MYCBP2: variants seen among roughly 807,000 people sequenced by gnomAD.
MYCBP2 encodes the protein MYC binding protein 2.
Under a neutral mutation model 525.3 loss-of-function variants are expected in MYCBP2, and 120 were observed. That is an observed-to-expected ratio of 0.23 (90% CI 0.20 to 0.27). The LOEUF is 0.27. MYCBP2 is among the 10% of genes least tolerant of loss of function. The pLI is 1.00. For synonymous variants in MYCBP2, 1,894 were observed against 1,955.8 expected, an observed-to-expected ratio of 0.97 and a Z score of 0.83; for missense variants, 4,149 against 5,657.1, an observed-to-expected ratio of 0.73 and a Z score of 8.55.
At chr13:77,280,094 C>T (rs1228016371) in intron 3 of MYCBP2, among the ~76,000 whole-genome samples, 1 of 152,182 alleles carries the variant, frequency 6.6e-6, no homozygotes, top group Non-Finnish European at 1.5e-5. Context: ...AAAACCACTG[C>T]ATCTCAGAAA....
intron 66 of MYCBP2, among the ~76,000 whole-genome samples, 155 bp downstream of exon 66, chr13:77,078,669 T>C (rs1255871732): frequency 6.6e-6 from 1 of 152,176 alleles, no homozygotes; most frequent in Non-Finnish European, 1.5e-5. Context: ...TTACTATTCC[T>C]ATGTTTTGGA....
At chr13:77,249,568 T>C (rs934754598) in intron 15 of MYCBP2, among the ~76,000 whole-genome samples, 8 of 152,166 alleles carry the variant, frequency 5.3e-5, no homozygotes, top group African/African-American at 1.9e-4. Context: ...ATTTTTATTA[T>C]ATATTTTTTG....
Position 77,051,935 on chromosome 13 carries a change from T to C in MYCBP2, c.13648-17A>G, listed in dbSNP as rs749740503. On this transcript the variant is annotated splice_polypyrimidine_tract_variant and intron_variant, in intron 80 of 82. Coordinates refer to ENST00000544440, the MANE Select transcript of MYCBP2 (RefSeq NM_015057.5). Reference sequence around the variant, plus strand: ...AAAATATGCCTGTGGAGAAAACACATCTAGATTACAGCAGGAAAAAAGAAA... The same window carrying C: ...AAAATATGCCTGTGGAGAAAACACACCTAGATTACAGCAGGAAAAAAGAAA... 2 of 1,602,918 alleles carry C rather than the reference T, an allele frequency of 1.2e-6. No individual in the cohort carries two copies.
chr13:77,199,995 C>G (rs900284341), intron 26 of MYCBP2, among the ~76,000 whole-genome samples: 5 of 152,208 alleles, frequency 3.3e-5, no homozygotes, highest in African/African-American at 1.2e-4. Flanking sequence ...CTCTCCTCCT[C>G]CAAAGAAACA....
chr13:77,064,164 C>T (rs1282992078), intron 73 of MYCBP2, among the ~76,000 whole-genome samples: 1 of 152,204 alleles, frequency 6.6e-6, no homozygotes, highest in Non-Finnish European at 1.5e-5. Flanking sequence ...GCACTTCTTG[C>T]TTTTTAGAAG....
At chr13:77,172,879 G>A (rs1048067246) in intron 37 of MYCBP2, among the ~76,000 whole-genome samples, 2 of 152,220 alleles carry the variant, frequency 1.3e-5, no homozygotes, top group African/African-American at 2.4e-5. Context: ...TCGCAGTAGC[G>A]TAACTTAACA....
chr13:77,243,503 C>T (rs2069249137), intron 16 of MYCBP2, among the ~76,000 whole-genome samples: 1 of 151,864 alleles, frequency 6.6e-6, no homozygotes, highest in African/African-American at 2.4e-5. Flanking sequence ...ATTCCAGCTA[C>T]TCGGGAGGCC....
At chr13:77,085,299 A>C (rs929413106) in intron 62 of MYCBP2, among the ~76,000 whole-genome samples, 9 of 151,854 alleles carry the variant, frequency 5.9e-5, no homozygotes, top group African/African-American at 2.2e-4. Context: ...GACTGAGGAC[A>C]TGGTGGGAAG....
chr13:77,167,324 A>G (rs904923656), intron 40 of MYCBP2, among the ~76,000 whole-genome samples: 3 of 152,202 alleles, frequency 2.0e-5, no homozygotes, highest in African/African-American at 4.8e-5. Flanking sequence ...CATCAAACAT[A>G]TAAAGGGAGC....
chr13:77,077,568 A>G (rs2042529418), intron 66 of MYCBP2, 181 bp from the exon 67 acceptor site: 1 of 671,428 alleles, frequency 1.5e-6, no homozygotes, highest in Non-Finnish European at 2.4e-6. Context: ...TATTATTTAT[A>G]GTAGCTATTA....
intron 3 of MYCBP2, among the ~76,000 whole-genome samples, chr13:77,281,031 T>C (rs1249063277): frequency 6.6e-6 from 1 of 152,222 alleles, no homozygotes; most frequent in East Asian, 1.9e-4. Context: ...GACATGTTCT[T>C]AAATAAGTCT....
At chr13:77,069,846 C>A (rs558903667) in intron 69 of MYCBP2, among the ~76,000 whole-genome samples, 2 of 150,872 alleles carry the variant, frequency 1.3e-5, no homozygotes, top group African/African-American at 4.9e-5. Context: ...CCAGCCTGGG[C>A]AACAGAGCGA....
chr13:77,093,470 G>A (rs2045754073), intron 58 of MYCBP2, 138 bp from the exon 59 acceptor site: 1 of 680,324 alleles, frequency 1.5e-6, no homozygotes, highest in Non-Finnish European at 2.3e-6. Context: ...CGTAGATGTA[G>A]GTAGGTGAAA....
intron 1 of MYCBP2, among the ~76,000 whole-genome samples, chr13:77,313,377 CAG>C (rs2154377483): frequency 6.6e-6 from 1 of 151,892 alleles, no homozygotes; most frequent in South Asian, 2.1e-4. Flanking sequence ...AAATAGAAAA[CAG>C]ATCAATAATA....
In MYCBP2 at chr13:77,083,068, A is replaced by G. The variant is rs2154107032; in HGVS notation, c.11000T>C (p.Leu3667Pro). The G allele has an allele frequency of 6.2e-7, 1 of 1,613,358 alleles. No homozygotes were observed. The highest frequency in any genetic ancestry group is 8.5e-7 in the Non-Finnish European group (1 of 1,179,552). ...TTGCTGTAATGAACTGCCGCTGGGG[A>G]GAGACATCATAAGGTCTGAGATGGT... ...LQTISDLMMS[L>P]PSGSSLQQMA... The change falls in exon 63 of 83, where the codon CTC becomes CCC. Residue 3667 changes from leucine to proline, a missense_variant. This residue lies in a region of MYCBP2 where 509 missense variants were observed against 789.4 expected (regional missense o/e 0.64). Transcript: ENST00000544440.
chr13:77,233,960 C>T (rs2067509519), intron 17 of MYCBP2, among the ~76,000 whole-genome samples: 1 of 151,674 alleles, frequency 6.6e-6, no homozygotes, highest in Non-Finnish European at 1.5e-5. Context: ...ATTTTGGAAA[C>T]ATCTTTCATT....
At chr13:77,055,477 G>T in intron 80 of MYCBP2, 81 bp downstream of exon 80, 1 of 1,100,164 alleles carries the variant, frequency 9.1e-7, no homozygotes. Context: ...GGAATAATTA[G>T]ATATCACTGT....
intron 68 of MYCBP2, among the ~76,000 whole-genome samples, chr13:77,073,207 T>G (rs947621729): frequency 6.6e-5 from 10 of 152,210 alleles, no homozygotes; most frequent in African/African-American, 2.4e-4. Flanking sequence ...TATCACATGT[T>G]GACTAAAATG....
rs769519188 is a variant in MYCBP2 at position 77,177,962 on chromosome 13, C to A, written c.5134-8G>T. 6.5e-7 allele frequency: 1 copy of A among 1,534,506 alleles called. No homozygotes were observed. Among genetic ancestry groups the A allele is most frequent in the East Asian group, 2.2e-5 (1 of 44,524 alleles). Reference sequence around the variant, plus strand: ...AGAATTAAGTCCATCAACCTGTGAACAATAAAAGCAATTGTATCAGTAGTT... The same window carrying A: ...AGAATTAAGTCCATCAACCTGTGAAAAATAAAAGCAATTGTATCAGTAGTT... On this transcript the variant is annotated splice_region_variant and splice_polypyrimidine_tract_variant and intron_variant, in intron 34 of 82. Transcript: ENST00000544440.
Sources: allele counts gnomAD v4.1 joint callset (sites outside exome capture counted in the v4.1 genomes callset), GRCh38; gene constraint gnomAD v4.1.1; regional missense constraint gnomAD v4.1.1; transcripts MANE v1.5; gene names NCBI Gene and HGNC (gene_info 2026-07-23, HGNC 2026-07-21).